GRIK1: variants seen among roughly 807,000 people sequenced by gnomAD.
GRIK1 encodes glutamate ionotropic receptor kainate type subunit 1.
A neutral mutation model predicts 105.7 loss-of-function variants in GRIK1; 69 were observed. That is an observed-to-expected ratio of 0.65 (90% confidence interval 0.54 to 0.80). The LOEUF is 0.80. Ranked by LOEUF, GRIK1 falls within the 30% of genes least tolerant of loss-of-function variation. The pLI is 0.00. For missense variants in GRIK1, 1,109 were observed against 1,167.3 expected (o/e 0.95, Z 0.73); for synonymous variants, 438 against 431.3 (o/e 1.02, Z -0.19).
chr21:29,691,045 T>A (rs1483643305), intron 2 of GRIK1, among the ~76,000 whole-genome samples: 1 of 152,236 alleles, frequency 6.6e-6, no homozygotes, highest in East Asian at 1.9e-4. Context: ...AACATTTGGC[T>A]CATGCCTGTA....
intron 1 of GRIK1, among the ~76,000 whole-genome samples, chr21:29,736,732 C>T (rs992430316): frequency 2.7e-5 from 4 of 148,860 alleles, no homozygotes; most frequent in African/African-American, 9.9e-5. Flanking sequence ...GGCTGGAGTG[C>T]AATGGTGTGA....
chr21:29,558,591 G>T (rs2090315274), intron 15 of GRIK1, among the ~76,000 whole-genome samples: 1 of 151,580 alleles, frequency 6.6e-6, no homozygotes, highest in South Asian at 2.1e-4. Flanking sequence ...AAAATTCCTG[G>T]AGTGTATTTC....
intron 1 of GRIK1, among the ~76,000 whole-genome samples, chr21:29,856,801 C>T (rs747245852): frequency 2.0e-5 from 3 of 152,104 alleles, no homozygotes; most frequent in Non-Finnish European, 4.4e-5. Context: ...TTACAGAAAT[C>T]TCAGCACAAA....
chr21:29,700,873 C>T (rs1402637978), intron 1 of GRIK1, among the ~76,000 whole-genome samples: 1 of 152,056 alleles, frequency 6.6e-6, no homozygotes, highest in Non-Finnish European at 1.5e-5. Flanking sequence ...GCAGAGAATC[C>T]ATCTCATTTA....
At chr21:29,656,110 T>A (rs2146578455) in intron 4 of GRIK1, among the ~76,000 whole-genome samples, 1 of 151,708 alleles carries the variant, frequency 6.6e-6, no homozygotes, top group Admixed American at 6.6e-5. Flanking sequence ...ACGCCTGTAA[T>A]CCAGCACTTT....
At chr21:29,748,342 A>C (rs1356867411) in intron 1 of GRIK1, 1 of 152,254 alleles carries the variant, frequency 6.6e-6, no homozygotes, top group Admixed American at 6.5e-5. Flanking sequence ...GGGTCCTGCC[A>C]TCCTTGGCAT....
At chr21:29,701,854 C>T (rs996355121) in intron 1 of GRIK1, among the ~76,000 whole-genome samples, 3 of 152,088 alleles carry the variant, frequency 2.0e-5, no homozygotes, top group African/African-American at 2.4e-5. Context: ...TGAAGGACTT[C>T]GGCAGGATTT....
chr21:29,690,015 GAGGGAGGGC>G, intron 2 of GRIK1, 30 bp from the exon 3 acceptor site: 2 of 1,473,386 alleles, frequency 1.4e-6, no homozygotes, highest in Non-Finnish European at 1.9e-6. Flanking sequence ...AGAGGATGGG[GAGGGAGGGC>G]AGGGAAAGGG....
chr21:29,905,422 A>G (rs910820984), intron 1 of GRIK1, among the ~76,000 whole-genome samples: 5 of 91,908 alleles, frequency 5.4e-5, no homozygotes, highest in African/African-American at 1.1e-4. Context: ...AAATTTTTAT[A>G]TTATATATAT....
At chr21:29,821,109 C>T (rs546866733) in intron 1 of GRIK1, among the ~76,000 whole-genome samples, 2 of 151,832 alleles carry the variant, frequency 1.3e-5, no homozygotes, top group South Asian at 2.1e-4. Flanking sequence ...AAACTTAACT[C>T]CTAACAGCCT....
At chr21:29,772,510 A>C in intron 1 of GRIK1, among the ~76,000 whole-genome samples, 1 of 152,196 alleles carries the variant, frequency 6.6e-6, no homozygotes, top group Non-Finnish European at 1.5e-5. Context: ...CTACAAAGAC[A>C]TAGTCTTCTA....
intron 1 of GRIK1, among the ~76,000 whole-genome samples, chr21:29,911,694 C>T (rs2070823148): frequency 6.6e-6 from 1 of 151,708 alleles, no homozygotes; most frequent in East Asian, 1.9e-4. Context: ...GAGATTAGTG[C>T]CTTCATAAAA....
chr21:29,577,169 A>G lies in GRIK1; in HGVS notation c.1925T>C (p.Met642Thr), dbSNP rs758457760. The change falls in exon 14 of 18, where the codon ATG becomes ACG. Residue 642 changes from methionine to threonine, a missense_variant. Physicochemically the swap from Met to Thr is moderately conservative, Grantham distance 81. Coordinates refer to ENST00000327783, the MANE Select transcript of GRIK1 (RefSeq NM_001330994.2). ...TATTCTGGTCGATAGAGCTTTGGGC[A>G]TCAGCTCTGATCCTGTGATGGTATC... ...GALMQQGSEL[M>T]PKALSTRIVG... 8.2e-6 allele frequency: 13 copies of G among 1,583,390 alleles called. No individual in the cohort carries two copies. The highest frequency in any genetic ancestry group is 1.3e-5 in the African/African-American group (1 of 74,318).
Position 29,565,313 on chromosome 21 carries a change from A to G in GRIK1, c.2131-3464T>C, listed in dbSNP as rs114005817. 5.4e-3 allele frequency among the ~76,000 whole-genome samples: 830 copies of G among 152,324 alleles called. 11 individuals carry two copies. The highest frequency in any genetic ancestry group is 0.019 in the African/African-American group (807 of 41,560). ...TGTTTCACAGTTAGAGTTCTAGGCTACTTGGGATGCTAGGGAAATTAGAGT... is the reference window on the plus strand; with the variant it reads ...TGTTTCACAGTTAGAGTTCTAGGCTGCTTGGGATGCTAGGGAAATTAGAGT... On this transcript the variant is annotated intron_variant, in intron 14 of 17. Transcript: ENST00000327783.
intron 1 of GRIK1, among the ~76,000 whole-genome samples, chr21:29,782,144 T>G (rs2066133352): frequency 6.7e-6 from 1 of 149,192 alleles, no homozygotes; most frequent in Non-Finnish European, 1.5e-5. Flanking sequence ...TGGAGTGCAG[T>G]GGCGCGATCT....
chr21:29,748,557 C>T (rs1384491659), intron 1 of GRIK1, among the ~76,000 whole-genome samples: 2 of 152,256 alleles, frequency 1.3e-5, no homozygotes, highest in African/African-American at 2.4e-5. Flanking sequence ...CAATGTTTTA[C>T]ATTTAATGAT....
intron 1 of GRIK1, among the ~76,000 whole-genome samples, chr21:29,695,588 C>T (rs2063686439): frequency 6.6e-6 from 1 of 152,096 alleles, no homozygotes; most frequent in African/African-American, 2.4e-5. Context: ...AATTCTCCTG[C>T]CTCAGCTACC....
chr21:29,819,466 T>C (rs2067240134), intron 1 of GRIK1, among the ~76,000 whole-genome samples: 1 of 152,076 alleles, frequency 6.6e-6, no homozygotes, highest in South Asian at 2.1e-4. Context: ...TTCTATGTTG[T>C]GTGCTTGTGT....
At chr21:29,708,195 A>C (rs946167455) in intron 1 of GRIK1, among the ~76,000 whole-genome samples, 1 of 152,170 alleles carries the variant, frequency 6.6e-6, no homozygotes, top group East Asian at 1.9e-4. Flanking sequence ...AATATTTATT[A>C]TTGCTTCAAG....
Sources: allele counts gnomAD v4.1 joint callset (sites outside exome capture counted in the v4.1 genomes callset), GRCh38; gene constraint gnomAD v4.1.1; transcripts MANE v1.5; gene names NCBI Gene and HGNC (gene_info 2026-07-23, HGNC 2026-07-21).